BCR: variants seen among roughly 807,000 people sequenced by gnomAD.
BCR encodes the protein BCR activator of RhoGEF and GTPase.
BCR carries 58 observed loss-of-function variants against 138.6 expected under a neutral mutation model. The observed-to-expected ratio is 0.42, with a 90% CI of 0.34 to 0.52. BCR has a LOEUF of 0.52. BCR is among the 20% of genes least tolerant of loss of function. The probability of loss-of-function intolerance (pLI) is 0.06; values close to 1 mark genes in which losing one functional copy is unlikely to be tolerated. For synonymous variants in BCR, 786 were observed against 730.1 expected (o/e 1.08, Z -1.23); for missense variants, 1,599 against 1,727.2 (o/e 0.93, Z 1.32).
At position 23,295,160 on chromosome 22, in the gene BCR, G is replaced by A; in HGVS notation, c.3012+5G>A. On this transcript the variant is annotated splice_donor_5th_base_variant and intron_variant, in intron 16 of 22. Transcript: ENST00000305877. ...ATGGGGAAGGGCCAGGTCCAGGTGA[G>A]GCAGCCATCCCTACCCTCCCCTGCC... 6.2e-7 allele frequency: 1 copy of A among 1,613,940 alleles called. No individual in the cohort carries two copies. The highest frequency in any genetic ancestry group is 1.1e-5 in the South Asian group (1 of 91,060).
At chr22:23,213,928 T>C (rs1471759205) in intron 1 of BCR, among the ~76,000 whole-genome samples, 2 of 152,062 alleles carry the variant, frequency 1.3e-5, no homozygotes, top group African/African-American at 4.8e-5. Flanking sequence ...CTTTGAATTA[T>C]GTTGAAATTT....
intron 2 of BCR, among the ~76,000 whole-genome samples, chr22:23,255,729 C>T (rs2073286783): frequency 6.6e-6 from 1 of 152,194 alleles, no homozygotes; most frequent in African/African-American, 2.4e-5. Context: ...CTTCACCTTT[C>T]AGTCCAGGGC....
At chr22:23,263,664 G>A (rs2003786) in intron 4 of BCR, 4 of 1,443,132 alleles carry the variant, frequency 2.8e-6, no homozygotes, top group African/African-American at 1.4e-5. Context: ...GAGGAGATGG[G>A]AAGATTGGCC....
chr22:23,202,720 T>TG (rs1381308527), intron 1 of BCR, among the ~76,000 whole-genome samples: 127 of 133,858 alleles, frequency 9.5e-4, no homozygotes, highest in African/African-American at 3.7e-3. Flanking sequence ...AATTCAATTG[T>TG]TTGTGTGTGT....
chr22:23,182,049 C>T lies in BCR; in HGVS notation c.1089C>T (p.Phe363=). ...VSPSPTTYRM[F]RDKSRSPSQN... is the part of the protein sequence containing the mutation. ...CAAGCCCCACCACCTACCGCATGTTCCGGGACAAAAGCCGCTCTCCCTCGC... is the reference window on the plus strand; with the variant it reads ...CAAGCCCCACCACCTACCGCATGTTTCGGGACAAAAGCCGCTCTCCCTCGC... Residue 363 remains phenylalanine, a synonymous_variant, in exon 1 of 23, where the codon TTC becomes TTT. Coordinates refer to ENST00000305877, the MANE Select transcript of BCR (RefSeq NM_004327.4). 6.2e-7 allele frequency: 1 copy of T among 1,613,736 alleles called. No individual in the cohort carries two copies.
intron 1 of BCR, among the ~76,000 whole-genome samples, chr22:23,192,470 G>A (rs747655866): frequency 2.6e-5 from 4 of 152,232 alleles, no homozygotes; most frequent in Non-Finnish European, 5.9e-5. Context: ...CCAGCAGGTC[G>A]GCTTTGGTCT....
rs2073303306 is a variant in BCR at position 23,257,133 on chromosome 22, C to T, written c.1461+3153C>T. On this transcript the variant is annotated intron_variant, in intron 2 of 22. Coordinates refer to ENST00000305877, the MANE Select transcript of BCR (RefSeq NM_004327.4). ...GCCCTTTGCTCTCTCGTTTTCTCTG[C>T]ATGGACTTGGCTGATTTCTGAGCCA... Among the ~76,000 whole-genome samples the T allele has an allele frequency of 2.6e-5, 4 of 152,166 alleles. No homozygotes were observed. In the South Asian group the frequency reaches 8.3e-4, roughly 32 times the overall value.
intron 4 of BCR, chr22:23,262,691 TGGCGGGCCCG>T (rs2073376765): frequency 4.2e-6 from 3 of 721,472 alleles, no homozygotes; most frequent in Non-Finnish European, 5.1e-6. Context: ...CCGCCGGGAA[TGGCGGGCCCG>T]GGTGAGGGCG....
chr22:23,215,072 G>A (rs992257041), intron 1 of BCR, among the ~76,000 whole-genome samples: 6 of 152,156 alleles, frequency 3.9e-5, no homozygotes, highest in African/African-American at 1.4e-4. Context: ...TCATATGAGT[G>A]GAGTCCTACA....
intron 9 of BCR, among the ~76,000 whole-genome samples, chr22:23,284,470 C>T (rs538052912): frequency 2.6e-5 from 4 of 152,152 alleles, no homozygotes; most frequent in East Asian, 2.0e-4. Context: ...TCGGCATAGG[C>T]GTGCACACAC....
Position 23,218,253 on chromosome 22 carries a change from A to G in BCR, c.1280-35546A>G, listed in dbSNP as rs368184966. On this transcript the variant is annotated intron_variant, in intron 1 of 22. Coordinates refer to ENST00000305877, the MANE Select transcript of BCR (RefSeq NM_004327.4). ...CAGGTCTGAGCCCCCGGAGCTGGGT[A>G]AGCATCTGGGGCATGTGAGGATTGC... is the stretch of plus-strand genomic sequence containing the variant. Among the ~76,000 whole-genome samples, 395 of 152,246 alleles carry G rather than the reference A, an allele frequency of 2.6e-3. 3 individuals are homozygous for G. The highest frequency in any genetic ancestry group is 9.0e-3 in the African/African-American group (375 of 41,550).
At chr22:23,214,802 T>C (rs560856992) in intron 1 of BCR, among the ~76,000 whole-genome samples, 1 of 152,362 alleles carries the variant, frequency 6.6e-6, no homozygotes, top group African/African-American at 2.4e-5. Flanking sequence ...ACTTTTTCTT[T>C]TTAAATTATG....
rs543743624 is a variant in BCR at position 23,218,910 on chromosome 22, GGGTGA to G, written c.1280-34885_1280-34881del. 1.4e-4 allele frequency among the ~76,000 whole-genome samples: 21 copies of G among 152,326 alleles called. 1 individual carries two copies. In the East Asian group the frequency reaches 4.1e-3, roughly 29 times the overall value. On this transcript the variant is annotated intron_variant, in intron 1 of 22. Coordinates refer to ENST00000305877, the MANE Select transcript of BCR (RefSeq NM_004327.4). ...GTTTCATTAAGAGGCCCCTTGCCGAGGGTGAGGTCGCAGCCCGGCCCTGCTCAGGG... is the reference window on the plus strand; with the variant it reads ...GTTTCATTAAGAGGCCCCTTGCCGAGGGTCGCAGCCCGGCCCTGCTCAGGG...
intron 16 of BCR, among the ~76,000 whole-genome samples, chr22:23,304,841 G>A (rs115597204): frequency 0.013 from 1,986 of 152,312 alleles, 48 homozygotes; most frequent in African/African-American, 0.046. Context: ...GAGGCCAGGC[G>A]CGGTGGCTTA....
chr22:23,192,456 C>G (rs949465241), intron 1 of BCR, among the ~76,000 whole-genome samples: 7 of 152,232 alleles, frequency 4.6e-5, no homozygotes, highest in Admixed American at 2.0e-4. Flanking sequence ...GTCAGGCAGG[C>G]CTTCCAGCAG....
chr22:23,295,005 T>G lies in BCR; in HGVS notation c.2881-19T>G. ...CCCGTTTGTTCACACTGGACTTCCC[T>G]TCTCCCTTGGGGCTGCAGGAATTTG... On this transcript the variant is annotated intron_variant, in intron 15 of 22. Transcript: ENST00000305877. 6.2e-7 allele frequency: 1 copy of G among 1,613,170 alleles called. No individual in the cohort carries two copies. The highest frequency in any genetic ancestry group is 8.5e-7 in the Non-Finnish European group (1 of 1,179,294).
At chr22:23,289,804 A>G (rs1018823380) in intron 13 of BCR, 183 bp downstream of exon 13, 6 of 611,606 alleles carry the variant, frequency 9.8e-6, no homozygotes, top group Admixed American at 5.7e-5. Context: ...GGTTAGGAGC[A>G]GTTTCTCCCT....
At chr22:23,289,848 C>T (rs974559236) in intron 13 of BCR, 16 of 575,696 alleles carry the variant, frequency 2.8e-5, no homozygotes, top group South Asian at 8.3e-5. Flanking sequence ...AGGAGATGCA[C>T]GGCTTCTGTT....
At chr22:23,280,003 G>A (rs928795798) in intron 8 of BCR, among the ~76,000 whole-genome samples, 3 of 152,124 alleles carry the variant, frequency 2.0e-5, no homozygotes, top group Non-Finnish European at 4.4e-5. Flanking sequence ...AGAGAGAAAA[G>A]GACCTCTCTT....
Sources: gnomAD v4.1 joint callset for allele counts (sites outside exome capture counted in the v4.1 genomes callset) on GRCh38, gnomAD v4.1.1 for gene constraint, MANE v1.5 for transcripts, NCBI Gene and HGNC (gene_info 2026-07-23, HGNC 2026-07-21) for gene names.